The following PRSS41 variants were observed in gnomAD, a reference collection of about 807,000 sequenced individuals.
The protein encoded by PRSS41 is serine protease 41.
A neutral mutation model predicts 28.8 loss-of-function variants in PRSS41; 37 were observed. The observed-to-expected ratio is 1.29, with a 90% CI of 0.99 to 1.69. The LOEUF is 1.69. PRSS41 is among the 40% of genes most tolerant of loss of function. The probability of loss-of-function intolerance (pLI) is 0.00; values close to 1 mark genes in which losing one functional copy is unlikely to be tolerated. For synonymous variants in PRSS41, 195 were observed against 163.1 expected (o/e 1.20, Z -1.49); for missense variants, 431 against 400.7 (o/e 1.08, Z -0.65).
At chr16:2,799,311 G>C (rs2068969967) in exon 4 of PRSS41, 2 of 1,551,460 alleles carry the variant, frequency 1.3e-6, no homozygotes, top group Non-Finnish European at 1.7e-6. Flanking sequence ...CGAGTGGACG[G>C]TCCAGCTGGG....
At chr16:2,799,422 C>G (rs984970689) in exon 4 of PRSS41, 1 of 1,552,038 alleles carries the variant, frequency 6.4e-7, no homozygotes, top group African/African-American at 1.4e-5. Flanking sequence ...TGGGGTTTTA[C>G]GCAATGACAT....
At chr16:2,799,164 G>A (rs959530351) in intron 3 of PRSS41, 40 bp downstream of exon 3, 84 of 1,505,342 alleles carry the variant, frequency 5.6e-5, no homozygotes, top group Non-Finnish European at 7.0e-5. Context: ...ACTTGCTAAT[G>A]GCCTCCAGGA....
At position 2,799,581 on chromosome 16, in the gene PRSS41, G is replaced by T; in HGVS notation, c.541+12G>T. The stretch of plus-strand genomic sequence containing the variant: ...CAGCCCCAGTGGCAGTGAGGCTGGG[G>T]ATAGACCGGGTGGGGTGATGGGGGT... On this transcript the variant is annotated intron_variant, in intron 4 of 5. Coordinates refer to ENST00000399677, the Ensembl canonical transcript of PRSS41. 6.4e-7 allele frequency: 1 copy of T among 1,550,558 alleles called. No homozygotes were observed. Among genetic ancestry groups the T allele is most frequent in the Non-Finnish European group, 8.7e-7 (1 of 1,146,820 alleles).
Position 2,799,057 on chromosome 16 carries a change from C to T in PRSS41, c.190C>T (p.Arg64Cys), listed in dbSNP as rs1208560084. 6.5e-6 allele frequency: 10 copies of T among 1,533,530 alleles called. No homozygotes were observed. The Admixed American group carries it at 1.6e-4, about 24-fold the overall frequency. The allele number at this position is 1,533,530 out of a possible 1,614,324, so 95.0% of individuals were successfully genotyped here. A position where few individuals can be genotyped will look rare whatever the true frequency, so the allele number is the denominator to read the frequency against. ...GCAGGCCAGCCTGCGCCTGAGGAGA[C>T]GCCACCGATGTGGAGGGAGCCTGCT... The change falls in exon 3 of 6, where the codon CGC becomes TGC. Residue 64 changes from arginine to cysteine, a missense_variant. Transcript: ENST00000399677.
intron 4 of PRSS41, among the ~76,000 whole-genome samples, chr16:2,800,513 A>G (rs899994032): frequency 3.9e-4 from 56 of 144,224 alleles, no homozygotes; most frequent in Admixed American, 3.5e-3. Flanking sequence ...ACTGCATTCC[A>G]GCCTGGGTGA....
At chr16:2,805,036 G>A (rs776197695) in exon 6 of PRSS41, 2 of 1,559,240 alleles carry the variant, frequency 1.3e-6, no homozygotes, top group East Asian at 2.4e-5. Context: ...ACATCAGTGT[G>A]TACTTCCACT....
intron 2 of PRSS41, 39 bp from the exon 3 acceptor site, chr16:2,798,920 C>A (rs894296604): frequency 8.0e-6 from 12 of 1,504,006 alleles, no homozygotes; most frequent in Non-Finnish European, 9.7e-6. Context: ...CCACCCCACC[C>A]CACCCGGCAG....
At chr16:2,798,697 C>G in intron 2 of PRSS41, 35 bp downstream of exon 2, 1 of 1,432,248 alleles carries the variant, frequency 7.0e-7, no homozygotes, top group South Asian at 1.4e-5. Context: ...CCAGCCAGGG[C>G]GGCTGGGCCG....
intron 3 of PRSS41, 23 bp from the exon 4 acceptor site, chr16:2,799,263 C>G (rs982526112): frequency 6.5e-7 from 1 of 1,549,722 alleles, no homozygotes; most frequent in East Asian, 2.4e-5. Context: ...CAAGGCTCCC[C>G]GCCCTCTCTC....
chr16:2,804,578 C>T, intron 5 of PRSS41, 32 bp downstream of exon 5: 1 of 1,545,418 alleles, frequency 6.5e-7, no homozygotes, highest in Non-Finnish European at 8.7e-7. Flanking sequence ...GGGAATCCCA[C>T]CCTCTCCAGC....
At chr16:2,799,747 G>C (rs2068974857) in intron 4 of PRSS41, among the ~76,000 whole-genome samples, 178 bp downstream of exon 4, 1 of 152,204 alleles carries the variant, frequency 6.6e-6, no homozygotes, top group Admixed American at 6.5e-5. Flanking sequence ...CACCTGTCAG[G>C]GCAGGGACCA....
chr16:2,798,729 C>G, intron 2 of PRSS41, 67 bp downstream of exon 2: 1 of 1,354,670 alleles, frequency 7.4e-7, no homozygotes, highest in Non-Finnish European at 9.6e-7. Context: ...GGCCCATCTA[C>G]TGCTCTCTGT....
At chr16:2,800,533 A>C (rs1331259830) in intron 4 of PRSS41, among the ~76,000 whole-genome samples, 2 of 113,616 alleles carry the variant, frequency 1.8e-5, no homozygotes, top group Non-Finnish European at 3.6e-5. Context: ...ACAGAGCAAG[A>C]CTCCATCTCA....
chr16:2,799,013 C>T, exon 3 of PRSS41: 4 of 1,532,272 alleles, frequency 2.6e-6, no homozygotes, highest in East Asian at 2.4e-5. Context: ...GTGGAGTCCG[C>T]GCGCGGGCGC....
chr16:2,798,938 G>T (rs749927536), intron 2 of PRSS41, 21 bp from the exon 3 acceptor site: 9 of 839,172 alleles, frequency 1.1e-5, no homozygotes, highest in South Asian at 1.4e-5. Context: ...CAGCTCAGCC[G>T]CGTCCGTCTG....
exon 3 of PRSS41, chr16:2,799,059 C>A: frequency 6.5e-7 from 1 of 1,533,836 alleles, no homozygotes; most frequent in Middle Eastern, 2.1e-4. Flanking sequence ...TGAGGAGACG[C>A]CACCGATGTG....
chr16:2,802,128 A>G (rs1260127073), intron 4 of PRSS41, among the ~76,000 whole-genome samples: 5 of 124,594 alleles, frequency 4.0e-5, no homozygotes, highest in African/African-American at 9.5e-5. Flanking sequence ...TCTCAGACGG[A>G]GTGGTTGCCA....
exon 6 of PRSS41, chr16:2,805,133 C>T: frequency 1.3e-6 from 2 of 1,548,620 alleles, no homozygotes; most frequent in Non-Finnish European, 1.7e-6. Flanking sequence ...GGCTCCCTGA[C>T]TCCTGCAGCC....
At chr16:2,804,290 C>G in intron 4 of PRSS41, 99 bp from the exon 5 acceptor site, 2 of 1,309,882 alleles carry the variant, frequency 1.5e-6, no homozygotes, top group Non-Finnish European at 2.1e-6. Flanking sequence ...GTGTCAGGGA[C>G]CTTCTCCCCA....
Sources: gnomAD v4.1 joint callset for allele counts (sites outside exome capture counted in the v4.1 genomes callset) on GRCh38, gnomAD v4.1.1 for gene constraint, MANE v1.5 for transcripts, NCBI Gene and HGNC (gene_info 2026-07-23, HGNC 2026-07-21) for gene names.